RO60: variants seen among roughly 807,000 people sequenced by gnomAD.
RO60 encodes RNA-binding protein RO60.
A neutral mutation model predicts 55.3 loss-of-function variants in RO60; 20 were observed. The observed-to-expected ratio is 0.36, with a 90% CI of 0.25 to 0.53. The LOEUF is 0.53. RO60 is among the 20% of genes least tolerant of loss of function. The pLI is 0.92. For missense variants in RO60, 558 were observed against 646.6 expected (o/e 0.86, Z 1.49); for synonymous variants, 213 against 213.6 (o/e 1.00, Z 0.02).
intron 5 of RO60, among the ~76,000 whole-genome samples, chr1:193,079,719 G>T (rs986266595): frequency 6.6e-6 from 1 of 152,072 alleles, no homozygotes; most frequent in Non-Finnish European, 1.5e-5. Flanking sequence ...TCCGATAAGG[G>T]CCTAATATCC....
Position 193,059,755 on chromosome 1 carries a change from G to C in RO60, c.-43G>C, listed in dbSNP as rs774628651. 2 of 1,356,040 alleles carry C rather than the reference G, an allele frequency of 1.5e-6. No homozygotes were observed. The highest frequency in any genetic ancestry group is 9.8e-7 in the Non-Finnish European group (1 of 1,017,258). 84.0% of individuals were successfully genotyped at this position (1,356,040 alleles called of 1,614,324 possible). Reference sequence around the variant, plus strand: ...TTCTCCTGGCGGCGCTGCGGATCCAGGGGGTCGGCTGCCAGGTACAGGTGA... The same window carrying C: ...TTCTCCTGGCGGCGCTGCGGATCCACGGGGTCGGCTGCCAGGTACAGGTGA... On this transcript the variant is annotated 5_prime_UTR_variant, in exon 1 of 9. Transcript: ENST00000400968. This position sits in a 1 kb window ranked among gnomAD's most constrained non-coding sequence, Gnocchi z 4.9.
Position 193,075,993 on chromosome 1 carries a change from A to G in RO60, c.754A>G (p.Arg252Gly), listed in dbSNP as rs912918409. The change falls in exon 3 of 9, where the codon AGA becomes GGA. Residue 252 changes from arginine to glycine, a missense_variant. Transcript: ENST00000400968. The part of the protein sequence containing the change: ...LEVIHLIEEH[R>G]LVREHLLTNH... ...AGTCATTCATCTAATAGAAGAACAT[A>G]GATTAGTTAGAGAACATCTTTTAAC... 6 of 1,612,448 alleles carry G rather than the reference A, an allele frequency of 3.7e-6. No individual in the cohort carries two copies. The highest frequency in any genetic ancestry group is 4.2e-6 in the Non-Finnish European group (5 of 1,179,346).
At chr1:193,082,471 T>TAG in intron 7 of RO60, 91 bp from the exon 8 acceptor site, 20 of 1,446,566 alleles carry the variant, frequency 1.4e-5, no homozygotes, top group Non-Finnish European at 1.9e-5. Flanking sequence ...GGGAAGGCTG[T>TAG]ATATATTGGT....
rs550950160 is a variant in RO60, at chr1:193,085,559, C to T, written c.*828C>T. Reference sequence around the variant, plus strand: ...GTAGTCTCACACTGTTTTTCATACTCTTAAGTGTAAATAATATAAAATGTT... The same window carrying T: ...GTAGTCTCACACTGTTTTTCATACTTTTAAGTGTAAATAATATAAAATGTT... On this transcript the variant is annotated 3_prime_UTR_variant, in exon 9 of 9. Transcript: ENST00000400968. The T allele has an allele frequency of 2.3e-4, 229 of 984,174 alleles. No individual in the cohort carries two copies. Among genetic ancestry groups the T allele is most frequent in the Non-Finnish European group, 2.6e-4 (217 of 829,202 alleles). 61.0% of individuals were successfully genotyped at this position (984,174 alleles called of 1,614,324 possible). A position where few individuals can be genotyped will look rare whatever the true frequency, so the allele number is the denominator to read the frequency against.
chr1:193,074,086 A>G (rs1483096494), intron 2 of RO60, among the ~76,000 whole-genome samples: 1 of 152,152 alleles, frequency 6.6e-6, no homozygotes, highest in African/African-American at 2.4e-5. Flanking sequence ...TTATGGCTGC[A>G]TAGTATTCCA....
chr1:193,070,539 T>A (rs1673417436), intron 2 of RO60: 1 of 431,676 alleles, frequency 2.3e-6, no homozygotes, highest in Non-Finnish European at 4.7e-6. Context: ...TTTTTTTTTT[T>A]TTTTGCACCG....
intron 2 of RO60, among the ~76,000 whole-genome samples, chr1:193,073,573 T>C (rs1237774125): frequency 1.3e-5 from 2 of 151,944 alleles, no homozygotes; most frequent in Non-Finnish European, 2.9e-5. Flanking sequence ...ACTGTGTTTG[T>C]TTGTTTGTTT....
intron 2 of RO60, among the ~76,000 whole-genome samples, chr1:193,070,333 A>G (rs1170538298): frequency 6.6e-6 from 1 of 152,162 alleles, no homozygotes; most frequent in Non-Finnish European, 1.5e-5. Flanking sequence ...CAGGAAGTTA[A>G]TTGTCTTCAG....
intron 5 of RO60, among the ~76,000 whole-genome samples, chr1:193,077,510 G>A (rs1301677896): frequency 1.3e-5 from 2 of 152,166 alleles, no homozygotes; most frequent in African/African-American, 2.4e-5. Flanking sequence ...GAAGTGATGA[G>A]CATAAGGGGG....
chr1:193,076,740 T>G, intron 4 of RO60, 93 bp downstream of exon 4: 3 of 1,397,484 alleles, frequency 2.1e-6, no homozygotes, highest in Non-Finnish European at 2.9e-6. Flanking sequence ...TTAAGGTATT[T>G]CGAGATGTTC....
Position 193,075,962 on chromosome 1 carries a change from G to C in RO60, c.723G>C (p.Glu241Asp), listed in dbSNP as rs1307255766. 1 of 1,613,070 alleles carries C rather than the reference G, an allele frequency of 6.2e-7. No homozygotes were observed. Among genetic ancestry groups the C allele is most frequent in the African/African-American group, 1.3e-5 (1 of 74,862 alleles). Residue 241 changes from glutamate (E) to aspartate (D), a missense_variant, in exon 3 of 9, where the codon GAG becomes GAC. Transcript: ENST00000400968. ...AGAAAGTGAAGCGCACAAGAGATGA[G>C]CTAGAAGTCATTCATCTAATAGAAG... is the stretch of plus-strand genomic sequence containing the variant. ...AVEKVKRTRD[E>D]LEVIHLIEEH...
intron 1 of RO60, among the ~76,000 whole-genome samples, chr1:193,065,099 A>C (rs542717734): frequency 2.6e-5 from 4 of 152,288 alleles, no homozygotes; most frequent in Admixed American, 6.5e-5. Flanking sequence ...ATAAATATTG[A>C]GGCTTTTATT....
chr1:193,068,371 A>G (rs1346581279), intron 1 of RO60, among the ~76,000 whole-genome samples: 4 of 152,242 alleles, frequency 2.6e-5, no homozygotes, highest in Admixed American at 6.5e-5. Context: ...TTTGATGTAC[A>G]TTGAGTTTGA....
Position 193,085,727 on chromosome 1 carries a change from C to T in RO60, c.*996C>T. 1 of 983,714 alleles carries T rather than the reference C, an allele frequency of 1.0e-6. No individual in the cohort carries two copies. Among genetic ancestry groups the T allele is most frequent in the African/African-American group, 1.7e-5 (1 of 57,246 alleles). 60.9% of individuals were successfully genotyped at this position (983,714 alleles called of 1,614,324 possible). ...TTAATATTTTTAAAAGTATACATGT[C>T]AATGGCCTCTTTGTCCATTATTCAT... On this transcript the variant is annotated 3_prime_UTR_variant, in exon 9 of 9. Coordinates refer to ENST00000400968, the MANE Select transcript of RO60 (RefSeq NM_001173524.2).
At chr1:193,060,719 A>C (rs1672552797) in intron 1 of RO60, among the ~76,000 whole-genome samples, 1 of 152,158 alleles carries the variant, frequency 6.6e-6, no homozygotes, top group African/African-American at 2.4e-5. Context: ...ATTTGTATGA[A>C]GTGTTGGTTT....
intron 5 of RO60, among the ~76,000 whole-genome samples, chr1:193,079,692 T>C (rs1165708672): frequency 6.6e-6 from 1 of 152,070 alleles, no homozygotes; most frequent in African/African-American, 2.4e-5. Context: ...TGGGAGAAAA[T>C]ATTTGCAGAC....
At chr1:193,060,274 G>A (rs537952221) in intron 1 of RO60, 7 of 364,506 alleles carry the variant, frequency 1.9e-5, no homozygotes, top group South Asian at 1.8e-4. Flanking sequence ...TGCGTCAAGG[G>A]AAAATTAGGT....
chr1:193,084,171 C>T (rs571991837), intron 8 of RO60, among the ~76,000 whole-genome samples: 1 of 152,320 alleles, frequency 6.6e-6, no homozygotes, highest in Non-Finnish European at 1.5e-5. Context: ...TCGCACATAT[C>T]AAAGTCATCA....
At position 193,076,046 on chromosome 1, in the gene RO60, T is replaced by A; in HGVS notation, c.801+6T>A. The A allele has an allele frequency of 6.3e-7, 1 of 1,575,860 alleles. No homozygotes were observed. Among genetic ancestry groups the A allele is most frequent in the Non-Finnish European group, 8.7e-7 (1 of 1,154,680 alleles). On this transcript the variant is annotated splice_donor_region_variant and intron_variant, in intron 3 of 8. Transcript: ENST00000400968. ...ATCACTTAAAGTCTAAAGAGGTGAGTGAATTATATGTTACAGCATGTGATT... is the reference window on the plus strand; with the variant it reads ...ATCACTTAAAGTCTAAAGAGGTGAGAGAATTATATGTTACAGCATGTGATT...
Sources: allele counts gnomAD v4.1 joint callset (sites outside exome capture counted in the v4.1 genomes callset), GRCh38; gene constraint gnomAD v4.1.1; non-coding constraint Gnocchi (gnomAD v3.1); transcripts MANE v1.5; gene names NCBI Gene and HGNC (gene_info 2026-07-23, HGNC 2026-07-21).